Variants in MDN1 observed in about 807,000 individuals in gnomAD.
MDN1 encodes the protein midasin.
In MDN1, 266 loss-of-function variants were observed where a neutral mutation model predicts 669.2. That is an observed-to-expected ratio of 0.40 (90% confidence interval 0.36 to 0.44). The LOEUF (loss-of-function observed/expected upper bound fraction) is 0.44, where lower values mean the gene tolerates loss of function less well. Among genes scored for constraint, MDN1 ranks in the 20% least tolerant of loss-of-function variants. MDN1 has a pLI of 1.00. For synonymous variants in MDN1, 2,385 were observed against 2,457.1 expected (o/e 0.97, Z 0.87); for missense variants, 5,940 against 6,754.0 (o/e 0.88, Z 4.22).
chr6:89,683,418 C>T (rs1391746632), intron 72 of MDN1, 88 bp from the exon 73 acceptor site: 1 of 1,035,034 alleles, frequency 9.7e-7, no homozygotes, highest in Non-Finnish European at 1.4e-6. Flanking sequence ...TGCATCCATA[C>T]ATAATCTAAT....
At chr6:89,785,254 G>T in intron 8 of MDN1, 128 bp from the exon 9 acceptor site, 1 of 664,088 alleles carries the variant, frequency 1.5e-6, no homozygotes, top group Non-Finnish European at 2.7e-6. Context: ...TCTGTTTCCA[G>T]ATACTACACT....
At chr6:89,728,549 G>T (rs535938402) in intron 36 of MDN1, among the ~76,000 whole-genome samples, 15 of 152,208 alleles carry the variant, frequency 9.9e-5, no homozygotes, top group Non-Finnish European at 2.1e-4. Flanking sequence ...TGAGGATACA[G>T]GCCAGGCGCC....
intron 59 of MDN1, among the ~76,000 whole-genome samples, 182 bp from the exon 60 acceptor site, chr6:89,696,756 T>C (rs1812778355): frequency 6.6e-6 from 1 of 152,184 alleles, no homozygotes; most frequent in East Asian, 1.9e-4. Context: ...GTGGACTCCA[T>C]GCTCTAGGAA....
chr6:89,724,472 G>A (rs1213966535), intron 38 of MDN1, among the ~76,000 whole-genome samples: 1 of 152,080 alleles, frequency 6.6e-6, no homozygotes, highest in South Asian at 2.1e-4. Context: ...TAATAGAGAC[G>A]GGGTTTCGCC....
chr6:89,735,157 G>C (rs1815876740), intron 33 of MDN1, among the ~76,000 whole-genome samples: 1 of 151,840 alleles, frequency 6.6e-6, no homozygotes, highest in African/African-American at 2.4e-5. Flanking sequence ...CAAAGTGCTG[G>C]GATTACAGGT....
Position 89,700,262 on chromosome 6 carries a change from A to C in MDN1, c.8671T>G (p.Leu2891Val). 6.2e-7 allele frequency: 1 copy of C among 1,614,198 alleles called. No individual in the cohort carries two copies. The highest frequency in any genetic ancestry group is 8.5e-7 in the Non-Finnish European group (1 of 1,180,020). ...ELKNFVHAQC[L>V]ELKAKGLSLG... ...GAGAGTCCTTTGGCTTTCAGTTCTA[A>C]ACACTGAGCATGCACAAAATTCTTC... Residue 2891 changes from leucine (L) to valine (V), a missense_variant, in exon 57 of 102, where the codon TTA becomes GTA. Around this residue, in one of 5 missense-constraint regions of MDN1, gnomAD observed 2,292 missense variants for 2,638.3 expected, o/e 0.87. Transcript: ENST00000369393.
chr6:89,813,220 A>G (rs1014413981), intron 1 of MDN1, among the ~76,000 whole-genome samples: 3 of 152,104 alleles, frequency 2.0e-5, no homozygotes, highest in Non-Finnish European at 4.4e-5. Flanking sequence ...TACAGGCCTG[A>G]GCCATCGTGC....
chr6:89,672,800 T>C, intron 80 of MDN1, 98 bp from the exon 81 acceptor site: 1 of 1,309,964 alleles, frequency 7.6e-7, no homozygotes, highest in South Asian at 1.5e-5. Context: ...CATTTATTGA[T>C]GAGCCACTGT....
chr6:89,672,528 T>G lies in MDN1; in HGVS notation c.13630+19A>C. ...TTAAATCAGGCATGAAACTAATTTC[T>G]GCCTGATTTCAGACATACCATAATC... is the stretch of plus-strand genomic sequence containing the variant. On this transcript the variant is annotated intron_variant, in intron 81 of 101. Coordinates refer to ENST00000369393, the MANE Select transcript of MDN1 (RefSeq NM_014611.3). 1 of 1,602,384 alleles carries G rather than the reference T, an allele frequency of 6.2e-7. No individual in the cohort carries two copies. Among genetic ancestry groups the G allele is most frequent in the Non-Finnish European group, 8.5e-7 (1 of 1,175,060 alleles).
chr6:89,807,021 A>G (rs1279382826), intron 1 of MDN1, among the ~76,000 whole-genome samples: 1 of 152,188 alleles, frequency 6.6e-6, no homozygotes, highest in Admixed American at 6.5e-5. Flanking sequence ...ATCTTATGAA[A>G]TTCTTTATTT....
intron 1 of MDN1, 50 bp downstream of exon 1, chr6:89,819,456 G>A: frequency 1.3e-6 from 2 of 1,529,452 alleles, no homozygotes; most frequent in South Asian, 1.1e-5. Flanking sequence ...AAGCTTACTA[G>A]TGGGGCGACC....
intron 3 of MDN1, 115 bp downstream of exon 3, chr6:89,794,462 A>C: frequency 9.6e-7 from 1 of 1,046,794 alleles, no homozygotes; most frequent in East Asian, 2.5e-5. Context: ...AAAAGCCACA[A>C]GAACAAAAAT....
At chr6:89,738,245 A>C in intron 33 of MDN1, 81 bp downstream of exon 33, 2 of 1,482,548 alleles carry the variant, frequency 1.3e-6, no homozygotes, top group Non-Finnish European at 1.9e-6. Context: ...CACAGGGCTG[A>C]TGTCCTGTAA....
rs1249431095 is a variant in MDN1, at chr6:89,642,956, G to C, written c.*1049C>G. On this transcript the variant is annotated 3_prime_UTR_variant, in exon 102 of 102. Transcript: ENST00000369393. The stretch of plus-strand genomic sequence containing the variant: ...GACTTCACAGTGTAACTTGGAAACA[G>C]ACAAGGAGATAGATGATTACATCAT... 1 of 152,236 alleles carries C rather than the reference G, an allele frequency of 6.6e-6. No homozygotes were observed. Among genetic ancestry groups the C allele is most frequent in the Non-Finnish European group, 1.5e-5 (1 of 68,044 alleles). The allele number at this position is 152,236 out of a possible 1,614,324, so 9.4% of individuals were successfully genotyped here.
intron 32 of MDN1, among the ~76,000 whole-genome samples, chr6:89,738,858 G>A (rs1020204495): frequency 6.6e-6 from 1 of 152,170 alleles, no homozygotes; most frequent in Non-Finnish European, 1.5e-5. Flanking sequence ...GCAGTCTGAT[G>A]TAGGAGGAAG....
chr6:89,671,485 CAAACAAAAA>C (rs1399961665), intron 82 of MDN1, among the ~76,000 whole-genome samples: 1 of 151,668 alleles, frequency 6.6e-6, no homozygotes, highest in African/African-American at 2.4e-5. Context: ...CAAAAAATAC[CAAACAAAAA>C]AAACATATAG....
intron 17 of MDN1, among the ~76,000 whole-genome samples, chr6:89,761,402 C>T (rs1693007493): frequency 6.6e-6 from 1 of 152,108 alleles, no homozygotes; most frequent in South Asian, 2.1e-4. Flanking sequence ...TCATAACACC[C>T]TTTTGTACCC....
In MDN1 at chr6:89,749,477, C is replaced by T. The variant is rs1031286307; in HGVS notation, c.3615+66G>A. 1.3e-5 allele frequency: 21 copies of T among 1,593,802 alleles called. No homozygotes were observed. The African/African-American group carries it at 2.6e-4, about 19-fold the overall frequency. On this transcript the variant is annotated intron_variant, in intron 25 of 101. Coordinates refer to ENST00000369393, the MANE Select transcript of MDN1 (RefSeq NM_014611.3). ...AAAGGAGAAGTAAAAACATTTCATT[C>T]TTACTACGAAAAATCTACTATCTGA...
chr6:89,691,258 A>G (rs1163810141), intron 63 of MDN1, among the ~76,000 whole-genome samples: 2 of 152,238 alleles, frequency 1.3e-5, no homozygotes, highest in African/African-American at 4.8e-5. Flanking sequence ...TGGGTGGTCA[A>G]AGGGCACCAA....
Sources: gnomAD v4.1 joint callset for allele counts (sites outside exome capture counted in the v4.1 genomes callset) on GRCh38, gnomAD v4.1.1 for gene constraint, gnomAD v4.1.1 regional missense constraint, MANE v1.5 for transcripts, NCBI Gene and HGNC (gene_info 2026-07-23, HGNC 2026-07-21) for gene names.